CMSS1: variants seen among roughly 807,000 people sequenced by gnomAD.
The protein encoded by CMSS1 is cms1 ribosomal small subunit homolog.
CMSS1 carries 33 observed loss-of-function variants against 43.5 expected under a neutral mutation model. The ratio of observed to expected loss-of-function variants is 0.76; its 90% CI spans 0.57 to 1.01. The LOEUF (loss-of-function observed/expected upper bound fraction) is 1.01, where lower values mean the gene tolerates loss of function less well. CMSS1 is among the 50% of genes least tolerant of loss of function. CMSS1 has a pLI of 0.00. For synonymous variants in CMSS1, 115 were observed against 117.2 expected (o/e 0.98, Z 0.12); for missense variants, 313 against 326.4 (o/e 0.96, Z 0.32).
intron 1 of CMSS1, among the ~76,000 whole-genome samples, chr3:100,140,019 C>G (rs2066792473): frequency 6.6e-6 from 1 of 152,106 alleles, no homozygotes; most frequent in African/African-American, 2.4e-5. Context: ...TGCAGTTACA[C>G]AACTGTATGC....
chr3:99,969,552 G>T (rs186716479), intron 1 of CMSS1, among the ~76,000 whole-genome samples: 1 of 152,308 alleles, frequency 6.6e-6, no homozygotes, highest in Admixed American at 6.5e-5. Context: ...TTGAAGTAAT[G>T]AGCCGTGCTA....
chr3:100,059,815 C>T (rs1164387321), intron 1 of CMSS1, among the ~76,000 whole-genome samples: 4 of 152,180 alleles, frequency 2.6e-5, no homozygotes, highest in African/African-American at 7.2e-5. Flanking sequence ...TATGTATCAT[C>T]TCCTGATTTT....
At chr3:100,125,097 G>A (rs1424623182) in intron 1 of CMSS1, among the ~76,000 whole-genome samples, 1 of 152,148 alleles carries the variant, frequency 6.6e-6, no homozygotes, top group Non-Finnish European at 1.5e-5. Flanking sequence ...TCTCTTTATT[G>A]GGAGAGGTCA....
At chr3:100,137,177 G>A (rs1273310476) in intron 1 of CMSS1, among the ~76,000 whole-genome samples, 1 of 152,196 alleles carries the variant, frequency 6.6e-6, no homozygotes, top group Non-Finnish European at 1.5e-5. Flanking sequence ...CTGGCTCCTA[G>A]GGATTGAGTA....
At chr3:99,909,083 G>C (rs1024535258) in intron 1 of CMSS1, among the ~76,000 whole-genome samples, 1 of 152,198 alleles carries the variant, frequency 6.6e-6, no homozygotes, top group East Asian at 1.9e-4. Context: ...CCTGGAAAAT[G>C]TAAGAACCAA....
chr3:99,924,621 C>T (rs995389481), intron 1 of CMSS1, among the ~76,000 whole-genome samples: 5 of 152,166 alleles, frequency 3.3e-5, no homozygotes, highest in Admixed American at 1.3e-4. Flanking sequence ...CGGGTTTAAG[C>T]GATCCTTCTG....
chr3:99,944,270 T>G (rs940968873), intron 1 of CMSS1, among the ~76,000 whole-genome samples: 16 of 152,162 alleles, frequency 1.1e-4, no homozygotes, highest in African/African-American at 3.9e-4. Context: ...AACCAGTGCT[T>G]GTTGTTTAGT....
At chr3:99,856,153 C>T (rs1242949598) in intron 1 of CMSS1, among the ~76,000 whole-genome samples, 1 of 151,988 alleles carries the variant, frequency 6.6e-6, no homozygotes, top group African/African-American at 2.4e-5. Context: ...CCTCATAGGA[C>T]TCTCAGGATT....
chr3:99,961,528 C>T (rs1708490378), intron 1 of CMSS1, among the ~76,000 whole-genome samples: 1 of 152,092 alleles, frequency 6.6e-6, no homozygotes, highest in South Asian at 2.1e-4. Flanking sequence ...ATGTGTGAAC[C>T]CATCCAGTGA....
intron 1 of CMSS1, among the ~76,000 whole-genome samples, chr3:100,143,655 A>G (rs192275333): frequency 4.6e-4 from 70 of 152,290 alleles, no homozygotes; most frequent in Middle Eastern, 3.4e-3. Flanking sequence ...AAAGTTTACA[A>G]GTCAATTATG....
intron 1 of CMSS1, among the ~76,000 whole-genome samples, chr3:100,037,975 G>A (rs1214338304): frequency 7.1e-6 from 1 of 141,580 alleles, no homozygotes; most frequent in East Asian, 2.1e-4. Flanking sequence ...AGGGAACAGA[G>A]TCTCAAATCT....
At chr3:100,113,422 G>T (rs771217481) in intron 1 of CMSS1, among the ~76,000 whole-genome samples, 4 of 152,168 alleles carry the variant, frequency 2.6e-5, no homozygotes, top group Non-Finnish European at 5.9e-5. Flanking sequence ...TTCTTGATAG[G>T]TATCTCCCAA....
At chr3:100,089,259 G>A (rs993503896) in intron 1 of CMSS1, among the ~76,000 whole-genome samples, 1 of 152,118 alleles carries the variant, frequency 6.6e-6, no homozygotes, top group African/African-American at 2.4e-5. Flanking sequence ...TTTTCTGGCT[G>A]TATTTGCCCT....
intron 1 of CMSS1, among the ~76,000 whole-genome samples, chr3:99,946,974 A>C (rs1003442984): frequency 6.6e-6 from 1 of 151,762 alleles, no homozygotes; most frequent in Admixed American, 6.6e-5. Flanking sequence ...GCCTCTACTA[A>C]AAAAATACAA....
chr3:100,111,102 G>A (rs2066483374), intron 1 of CMSS1, among the ~76,000 whole-genome samples: 1 of 152,010 alleles, frequency 6.6e-6, no homozygotes, highest in African/African-American at 2.4e-5. Context: ...CCAAAAAGAA[G>A]AAGAAAAAGG....
intron 1 of CMSS1, among the ~76,000 whole-genome samples, chr3:100,047,960 A>T (rs1216002724): frequency 2.0e-5 from 3 of 152,334 alleles, no homozygotes; most frequent in Middle Eastern, 3.4e-3. Context: ...TGAAAGAACG[A>T]ATTGTCCCTC....
intron 5 of CMSS1, among the ~76,000 whole-genome samples, chr3:100,166,768 C>T (rs1037936003): frequency 1.3e-5 from 2 of 152,104 alleles, no homozygotes; most frequent in African/African-American, 4.8e-5. Context: ...GACAGGGTCT[C>T]ACTCCATCTC....
At chr3:100,124,586 G>A (rs533704603) in intron 1 of CMSS1, among the ~76,000 whole-genome samples, 21 of 152,274 alleles carry the variant, frequency 1.4e-4, no homozygotes, top group African/African-American at 4.6e-4. Context: ...CAGTCACGGG[G>A]TAGGTCCTGG....
chr3:100,015,778 G>T (rs1220705357), intron 1 of CMSS1, among the ~76,000 whole-genome samples: 1 of 152,134 alleles, frequency 6.6e-6, no homozygotes, highest in Non-Finnish European at 1.5e-5. Flanking sequence ...TACACAGAAG[G>T]CACTCACTGA....
Sources: allele counts gnomAD v4.1 joint callset (sites outside exome capture counted in the v4.1 genomes callset), GRCh38; gene constraint gnomAD v4.1.1; transcripts MANE v1.5; gene names NCBI Gene and HGNC (gene_info 2026-07-23, HGNC 2026-07-21).